Variants in PDZD2 observed in about 807,000 individuals in gnomAD.
The protein encoded by PDZD2 is PDZ domain-containing protein 2.
In PDZD2, 90 loss-of-function variants were observed where a neutral mutation model predicts 220.7. The observed-to-expected ratio is 0.41, with a 90% CI of 0.34 to 0.49. The LOEUF (loss-of-function observed/expected upper bound fraction) is 0.49, where lower values mean the gene tolerates loss of function less well. Ranked by LOEUF, PDZD2 falls within the 20% of genes least tolerant of loss-of-function variation. The probability of loss-of-function intolerance (pLI) is 0.28; values close to 1 mark genes in which losing one functional copy is unlikely to be tolerated. For synonymous variants in PDZD2, 1,375 were observed against 1,450.5 expected, an observed-to-expected ratio of 0.95 and a Z score of 1.18; for missense variants, 3,174 against 3,608.5, an observed-to-expected ratio of 0.88 and a Z score of 3.08.
intron 3 of PDZD2, among the ~76,000 whole-genome samples, chr5:31,989,421 C>CTTTTTTT (rs869045113): frequency 9.4e-4 from 113 of 119,882 alleles, no homozygotes; most frequent in Non-Finnish European, 1.5e-3. Context: ...ATTTTCTTTT[C>CTTTTTTT]TTTTTTTTTT....
At chr5:31,723,704 G>A (rs1165324279) in intron 1 of PDZD2, among the ~76,000 whole-genome samples, 6 of 151,954 alleles carry the variant, frequency 3.9e-5, no homozygotes, top group East Asian at 1.9e-4. Context: ...TGCAACCTCC[G>A]CCTCCCCAGT....
intron 2 of PDZD2, among the ~76,000 whole-genome samples, chr5:31,880,246 A>C (rs920345360): frequency 6.6e-6 from 1 of 152,190 alleles, no homozygotes; most frequent in Non-Finnish European, 1.5e-5. Context: ...AAAAGACGAG[A>C]GCAATGATGG....
chr5:31,998,358 A>G (rs1479402248), intron 4 of PDZD2, among the ~76,000 whole-genome samples: 1 of 152,224 alleles, frequency 6.6e-6, no homozygotes. Context: ...AACAGAGACT[A>G]TCAGAATTCT....
intron 2 of PDZD2, chr5:31,823,247 A>G: frequency 2.9e-6 from 1 of 347,452 alleles, no homozygotes; most frequent in South Asian, 2.4e-5. Context: ...CAGGTAGATC[A>G]CGAGGTCAGG....
chr5:31,750,657 T>C (rs1395225993), intron 1 of PDZD2, among the ~76,000 whole-genome samples: 1 of 152,112 alleles, frequency 6.6e-6, no homozygotes, highest in Non-Finnish European at 1.5e-5. Flanking sequence ...ACGGATAGTT[T>C]CAGGCAGAGG....
intron 2 of PDZD2, among the ~76,000 whole-genome samples, chr5:31,898,309 G>C (rs764850207): frequency 6.6e-6 from 1 of 152,192 alleles, no homozygotes; most frequent in Non-Finnish European, 1.5e-5. Flanking sequence ...CAGCTGTAAA[G>C]CTAGGCTTCA....
At chr5:31,767,623 C>T (rs111849391) in intron 1 of PDZD2, among the ~76,000 whole-genome samples, 6,428 of 152,262 alleles carry the variant, frequency 0.042, 201 homozygotes, top group Non-Finnish European at 0.059. Context: ...CCATTTCTGA[C>T]CACATTTTAT....
At chr5:32,097,701 ACT>A (rs990685677) in intron 22 of PDZD2, among the ~76,000 whole-genome samples, 1 of 152,092 alleles carries the variant, frequency 6.6e-6, no homozygotes, top group Non-Finnish European at 1.5e-5. Context: ...TTATACAATT[ACT>A]CCCGTCTCAA....
chr5:32,013,951 C>T (rs1753526530), intron 6 of PDZD2, among the ~76,000 whole-genome samples: 2 of 152,200 alleles, frequency 1.3e-5, no homozygotes, highest in Admixed American at 1.3e-4. Context: ...CTGCAGGGGG[C>T]AGGAAGTGTG....
chr5:31,955,700 T>C (rs1461003060), intron 2 of PDZD2, among the ~76,000 whole-genome samples: 6 of 151,286 alleles, frequency 4.0e-5, no homozygotes, highest in East Asian at 1.9e-4. Flanking sequence ...TTTTTTTTTT[T>C]TTCTTCTCTA....
intron 1 of PDZD2, among the ~76,000 whole-genome samples, chr5:31,644,523 C>T (rs911029828): frequency 3.3e-5 from 5 of 152,094 alleles, no homozygotes; most frequent in African/African-American, 1.2e-4. Flanking sequence ...GCGGCTGAGC[C>T]GAGAGATGGT....
chr5:31,989,065 A>G (rs1332831189), intron 3 of PDZD2, among the ~76,000 whole-genome samples: 1 of 152,124 alleles, frequency 6.6e-6, no homozygotes, highest in Admixed American at 6.5e-5. Context: ...AAAATGTTTT[A>G]TATATTTGGG....
chr5:31,967,124 C>G (rs913081290), intron 2 of PDZD2, among the ~76,000 whole-genome samples: 6 of 152,222 alleles, frequency 3.9e-5, no homozygotes, highest in African/African-American at 1.4e-4. Flanking sequence ...AAGGTGGAAG[C>G]AGGCTCTGGC....
intron 2 of PDZD2, chr5:31,923,349 T>A: frequency 1.0e-6 from 1 of 970,620 alleles, no homozygotes; most frequent in Non-Finnish European, 1.7e-6. Context: ...GTCCTCCCTG[T>A]GCCACACGGC....
chr5:31,889,872 T>C (rs1404451095), intron 2 of PDZD2, among the ~76,000 whole-genome samples: 1 of 151,978 alleles, frequency 6.6e-6, no homozygotes, highest in Non-Finnish European at 1.5e-5. Context: ...TGTACAAAAA[T>C]TAGCCGGGTG....
In PDZD2 at chr5:32,063,027, ATAT is replaced by A. The variant is rs147802513; in HGVS notation, c.2451+1925_2451+1927del. On this transcript the variant is annotated intron_variant, in intron 14 of 24. Coordinates refer to ENST00000438447, the MANE Select transcript of PDZD2 (RefSeq NM_178140.4). ...CATATAGTCTTCTGTTGAGAATGAA[ATAT>A]TATTATTATTATTATTATTATTATT... Among the ~76,000 whole-genome samples, 791 of 142,318 alleles carry A rather than the reference ATAT, an allele frequency of 5.6e-3. 8 individuals carry two copies. Among genetic ancestry groups the A allele is most frequent in the Admixed American group, 0.03 (426 of 14,176 alleles). The allele number at this position is 142,318 out of a possible 152,430, so 93.4% of individuals were successfully genotyped here.
At chr5:31,815,240 T>A (rs931210492) in intron 2 of PDZD2, among the ~76,000 whole-genome samples, 1 of 103,938 alleles carries the variant, frequency 9.6e-6, no homozygotes, top group Non-Finnish European at 1.8e-5. Flanking sequence ...AGCAAAACTC[T>A]GTCTCAAAAA....
At chr5:31,665,181 G>T (rs72753574) in intron 1 of PDZD2, 5 of 152,232 alleles carry the variant, frequency 3.3e-5, no homozygotes, top group Non-Finnish European at 7.3e-5. Flanking sequence ...ATCACACATT[G>T]TTCCTTATTT....
chr5:31,956,976 G>A (rs1747772947), intron 2 of PDZD2, among the ~76,000 whole-genome samples: 2 of 151,952 alleles, frequency 1.3e-5, no homozygotes, highest in Non-Finnish European at 1.5e-5. Flanking sequence ...CTGTAGCCTC[G>A]AACTCCTGTA....
Sources: gnomAD v4.1 joint callset for allele counts (sites outside exome capture counted in the v4.1 genomes callset) on GRCh38, gnomAD v4.1.1 for gene constraint, MANE v1.5 for transcripts, NCBI Gene and HGNC (gene_info 2026-07-23, HGNC 2026-07-21) for gene names.